The following RINT1 variants were observed in gnomAD, a reference collection of about 807,000 sequenced individuals.
RINT1 encodes the protein RAD50 interactor 1.
Under a neutral mutation model 97.7 loss-of-function variants are expected in RINT1, and 75 were observed. The ratio of observed to expected loss-of-function variants is 0.77; its 90% CI spans 0.64 to 0.93. The LOEUF is 0.93. Among genes scored for constraint, RINT1 ranks in the 40% least tolerant of loss-of-function variants. The pLI, the probability that RINT1 is intolerant of heterozygous loss-of-function variation, is 0.00. For missense variants in RINT1, 892 were observed against 925.2 expected, an observed-to-expected ratio of 0.96 and a Z score of 0.47; for synonymous variants, 303 against 326.3, an observed-to-expected ratio of 0.93 and a Z score of 0.77.
At chr7:105,562,592 C>T (rs1354897605) in intron 11 of RINT1, among the ~76,000 whole-genome samples, 1 of 152,120 alleles carries the variant, frequency 6.6e-6, no homozygotes, top group African/African-American at 2.4e-5. Flanking sequence ...AGAAATGAAA[C>T]ATATGTCCAC....
chr7:105,549,351 CA>C (rs1190480393), intron 7 of RINT1, among the ~76,000 whole-genome samples: 1 of 151,406 alleles, frequency 6.6e-6, no homozygotes, highest in African/African-American at 2.4e-5. Context: ...TGCAGACTAG[CA>C]ATTTTTTTTT....
At chr7:105,555,467 A>G in intron 11 of RINT1, 1 of 335,110 alleles carries the variant, frequency 3.0e-6, no homozygotes, top group Admixed American at 4.4e-5. Flanking sequence ...TTCATGAAAT[A>G]GTTGTTTATA....
Position 105,546,951 on chromosome 7 carries a change from A to C in RINT1, c.557A>C (p.Glu186Ala). The C allele has an allele frequency of 6.2e-7, 1 of 1,612,922 alleles. No homozygotes were observed. Among genetic ancestry groups the C allele is most frequent in the Non-Finnish European group, 8.5e-7 (1 of 1,179,756 alleles). ...TATCTGATGACCAATAATGTACCGG[A>C]GGCAGCCTCCACTCTAGTGTCTATG... is the stretch of plus-strand genomic sequence containing the variant. ...QQYLMTNNVP[E>A]AASTLVSMAE... is the part of the protein sequence containing the mutation. The change falls in exon 5 of 15, where the codon GAG becomes GCG. Residue 186 changes from glutamate to alanine, a missense_variant. Coordinates refer to ENST00000257700, the MANE Select transcript of RINT1 (RefSeq NM_021930.6).
Position 105,536,631 on chromosome 7 carries a change from T to C in RINT1, c.155T>C (p.Leu52Pro). The change falls in exon 3 of 15, where the codon CTC becomes CCC. Residue 52 changes from leucine (L) to proline (P), a missense_variant. Transcript: ENST00000257700. ...QVSEGTDNGD[L>P]PSYVSAFIEK... is the part of the protein sequence containing the mutation. ...AGTGAAGGTACAGATAATGGTGATC[T>C]CCCTTCTTATGTGTCTGCATTCATA... The C allele has an allele frequency of 6.2e-7, 1 of 1,612,212 alleles. No individual in the cohort carries two copies. Among genetic ancestry groups the C allele is most frequent in the Non-Finnish European group, 8.5e-7 (1 of 1,178,936 alleles).
intron 11 of RINT1, among the ~76,000 whole-genome samples, chr7:105,560,548 TA>T (rs1452385074): frequency 3.3e-5 from 5 of 152,110 alleles, no homozygotes; most frequent in Admixed American, 6.5e-5. Flanking sequence ...AGTAAATGTA[TA>T]AAAAAATTAA....
At chr7:105,532,423 G>T (rs1790071680) in intron 1 of RINT1, 66 bp downstream of exon 1, 4 of 1,509,760 alleles carry the variant, frequency 2.6e-6, no homozygotes, top group Non-Finnish European at 3.6e-6. Context: ...CAGACCTCCC[G>T]GGGGAGATAG....
In RINT1 at chr7:105,559,117, G is replaced by A. The variant is rs191283701; in HGVS notation, c.1671+3890G>A. On this transcript the variant is annotated intron_variant, in intron 11 of 14. Coordinates refer to ENST00000257700, the MANE Select transcript of RINT1 (RefSeq NM_021930.6). Reference sequence around the variant, plus strand: ...TGGTTATGATGGTGCAAATCTGGCCGGGTGTGGTGGCTCACGCCTGTAATC... The same window carrying A: ...TGGTTATGATGGTGCAAATCTGGCCAGGTGTGGTGGCTCACGCCTGTAATC... 1.2e-4 allele frequency among the ~76,000 whole-genome samples: 18 copies of A among 151,884 alleles called. No individual in the cohort carries two copies. In the East Asian group the frequency reaches 3.5e-3, roughly 30 times the overall value.
At chr7:105,550,569 T>C in intron 9 of RINT1, 83 bp downstream of exon 9, 1 of 1,010,408 alleles carries the variant, frequency 9.9e-7, no homozygotes, top group Non-Finnish European at 1.5e-6. Context: ...TCTCCAGTTC[T>C]AAATAGGAAC....
At chr7:105,546,021 G>T (rs889617602) in intron 4 of RINT1, among the ~76,000 whole-genome samples, 1 of 150,064 alleles carries the variant, frequency 6.7e-6, no homozygotes, top group African/African-American at 2.5e-5. Context: ...GGCGGGGGGC[G>T]TTTCACCAAG....
chr7:105,538,045 T>C (rs1373150526), intron 3 of RINT1, among the ~76,000 whole-genome samples: 2 of 151,648 alleles, frequency 1.3e-5, no homozygotes, highest in Admixed American at 1.3e-4. Context: ...CAGACTGGAG[T>C]GCAATGGCGT....
chr7:105,565,200 C>T, intron 12 of RINT1, 77 bp from the exon 13 acceptor site: 1 of 1,364,262 alleles, frequency 7.3e-7, no homozygotes, highest in Middle Eastern at 1.9e-4. Flanking sequence ...AGAACACTTC[C>T]TCAAATTTAA....
intron 12 of RINT1, among the ~76,000 whole-genome samples, chr7:105,564,954 A>C (rs772531318): frequency 6.6e-6 from 1 of 152,084 alleles, no homozygotes; most frequent in Non-Finnish European, 1.5e-5. Context: ...ACAGAGCGAG[A>C]CTCTGTCTCA....
Position 105,532,287 on chromosome 7 carries a change from A to C in RINT1, c.-29A>C. On this transcript the variant is annotated 5_prime_UTR_variant, in exon 1 of 15. The change abolishes an upstream ATG in the 5' untranslated region. Transcript: ENST00000257700. Reference sequence around the variant, plus strand: ...ACTCCACAGGCCACGCTGGCTGCGAATGGAGCCGAGGACTCGCGCGGAGGC... The same window carrying C: ...ACTCCACAGGCCACGCTGGCTGCGACTGGAGCCGAGGACTCGCGCGGAGGC... The C allele has an allele frequency of 6.4e-7, 1 of 1,564,998 alleles. No individual in the cohort carries two copies. The highest frequency in any genetic ancestry group is 8.6e-7 in the Non-Finnish European group (1 of 1,159,206).
intron 11 of RINT1, 49 bp from the exon 12 acceptor site, chr7:105,563,684 A>G (rs773395462): frequency 9.7e-6 from 14 of 1,448,410 alleles, no homozygotes; most frequent in African/African-American, 1.4e-5. Context: ...TCTATTTCAA[A>G]CTGTTAAAAA....
At chr7:105,552,853 T>C (rs2133413749) in intron 10 of RINT1, among the ~76,000 whole-genome samples, 2 of 151,886 alleles carry the variant, frequency 1.3e-5, no homozygotes, top group South Asian at 4.2e-4. Context: ...TTTGAATTTT[T>C]AGTAGAGACG....
At chr7:105,556,256 G>A (rs1057426454) in intron 11 of RINT1, among the ~76,000 whole-genome samples, 5 of 151,564 alleles carry the variant, frequency 3.3e-5, no homozygotes, top group Non-Finnish European at 5.9e-5. Flanking sequence ...TAGTAGAGAC[G>A]AGTTTTCACC....
chr7:105,555,752 G>T (rs935586248), intron 11 of RINT1, among the ~76,000 whole-genome samples: 5 of 152,152 alleles, frequency 3.3e-5, no homozygotes, highest in Non-Finnish European at 5.9e-5. Context: ...AGGCTGAGAT[G>T]GGAGAATTGC....
chr7:105,567,041 T>C, intron 14 of RINT1, 78 bp from the exon 15 acceptor site: 1 of 873,000 alleles, frequency 1.1e-6, no homozygotes, highest in Non-Finnish European at 1.7e-6. Context: ...AGAGAAGCTG[T>C]TTAGGATTCT....
rs774886890 is a variant in RINT1 at position 105,555,107 on chromosome 7, G to A, written c.1551G>A (p.Arg517=). ...ELQKDLVDDF[R]IRLTQVMKEE... The stretch of plus-strand genomic sequence containing the variant: ...AGAAGGACTTAGTAGATGATTTTAG[G>A]ATACGATTAACACAAGTGATGAAAG... The change falls in exon 11 of 15, where the codon AGG becomes AGA. Residue 517 remains arginine, a synonymous_variant. Coordinates refer to ENST00000257700, the MANE Select transcript of RINT1 (RefSeq NM_021930.6). 2.5e-6 allele frequency: 4 copies of A among 1,614,010 alleles called. No homozygotes were observed. Among genetic ancestry groups the A allele is most frequent in the Non-Finnish European group, 3.4e-6 (4 of 1,179,994 alleles).
Sources: allele counts gnomAD v4.1 joint callset (sites outside exome capture counted in the v4.1 genomes callset), GRCh38; gene constraint gnomAD v4.1.1; transcripts MANE v1.5; gene names NCBI Gene and HGNC (gene_info 2026-07-23, HGNC 2026-07-21).